Variants in PHEX observed in about 807,000 individuals in gnomAD.
PHEX encodes the protein phosphate-regulating neutral endopeptidase PHEX.
PHEX carries 16 observed loss-of-function variants against 68.0 expected under a neutral mutation model. The ratio of observed to expected loss-of-function variants is 0.24; its 90% CI spans 0.16 to 0.36. The LOEUF (loss-of-function observed/expected upper bound fraction) is 0.36. Ranked by LOEUF, PHEX falls within the 10% of genes least tolerant of loss-of-function variation. PHEX has a pLI of 1.00. For missense variants in PHEX, 480 were observed against 575.5 expected, an observed-to-expected ratio of 0.83 and a Z score of 1.70; for synonymous variants, 208 against 205.1, an observed-to-expected ratio of 1.01 and a Z score of -0.12.
intron 3 of PHEX, among the ~76,000 whole-genome samples, chrX:22,054,779 C>T (rs2069403494): frequency 9.0e-6 from 1 of 111,218 alleles, no homozygotes; most frequent in Non-Finnish European, 1.9e-5. Context: ...AATAATTTTA[C>T]TTGAAAAGTT....
At position 22,152,016 on chromosome X, in the gene PHEX, G is replaced by A. The variant is rs113512578; in HGVS notation, c.1405-16296G>A. Among the ~76,000 whole-genome samples the A allele has an allele frequency of 8.1e-3, 909 of 112,066 alleles. 4 individuals carry two copies. The highest frequency in any genetic ancestry group is 0.011 in the Non-Finnish European group (607 of 53,247). On this transcript the variant is annotated intron_variant, in intron 12 of 21. Coordinates refer to ENST00000379374, the MANE Select transcript of PHEX (RefSeq NM_000444.6). ...GGTTACTAATGCAGATGTGGTCTGT[G>A]CCTTACATGTTATTCAGTTTGATTT...
intron 11 of PHEX, among the ~76,000 whole-genome samples, chrX:22,129,762 C>A (rs971256265): frequency 3.2e-4 from 36 of 111,598 alleles, no homozygotes; most frequent in African/African-American, 1.1e-3. Flanking sequence ...CTCAGCTTTT[C>A]AACAACAACA....
chrX:22,093,294 C>T (rs1300536536), intron 6 of PHEX, among the ~76,000 whole-genome samples: 1 of 111,700 alleles, frequency 9.0e-6, no homozygotes, highest in Non-Finnish European at 1.9e-5. Context: ...TCTTTAATTC[C>T]CATTAAGTAA....
At chrX:22,130,988 C>T (rs192594631) in intron 11 of PHEX, among the ~76,000 whole-genome samples, 68 of 111,173 alleles carry the variant, frequency 6.1e-4, no homozygotes, top group Non-Finnish European at 8.3e-4. Context: ...ACTAGCATCC[C>T]GATGCCCACG....
chrX:22,147,228 A>G (rs890676420), intron 12 of PHEX, among the ~76,000 whole-genome samples: 7 of 112,218 alleles, frequency 6.2e-5, no homozygotes, highest in African/African-American at 2.3e-4. Flanking sequence ...GTTTGGTTTA[A>G]TAAAAATAAT....
At position 22,133,570 on chromosome X, in the gene PHEX, A is replaced by G. The variant is rs1932105890; in HGVS notation, c.1350A>G (p.Leu450=). 1 of 1,208,036 alleles carries G rather than the reference A, an allele frequency of 8.3e-7. No homozygotes were observed. Among genetic ancestry groups the G allele is most frequent in the African/African-American group, 1.8e-5 (1 of 56,988 alleles). ...EGVRWAFIDM[L]EKENEWMDAG... ...TTCGCTGGGCCTTTATTGACATGCTAGAGAAAGAAAATGAGTGGATGGATG... is the reference window on the plus strand; with the variant it reads ...TTCGCTGGGCCTTTATTGACATGCTGGAGAAAGAAAATGAGTGGATGGATG... Residue 450 remains leucine (L), a synonymous_variant, in exon 12 of 22, where the codon CTA becomes CTG. Coordinates refer to ENST00000379374, the MANE Select transcript of PHEX (RefSeq NM_000444.6).
At chrX:22,102,039 A>G (rs773519744) in intron 9 of PHEX, among the ~76,000 whole-genome samples, 4 of 111,834 alleles carry the variant, frequency 3.6e-5, no homozygotes, top group South Asian at 7.6e-4. Context: ...TGGGGTATCT[A>G]TCCCCTCAAG....
intron 14 of PHEX, among the ~76,000 whole-genome samples, chrX:22,178,590 C>T (rs1399474153): frequency 9.0e-6 from 1 of 111,456 alleles, no homozygotes; most frequent in Non-Finnish European, 1.9e-5. Flanking sequence ...TTTCTAGCAT[C>T]AACACATATC....
chrX:22,207,935 G>A (rs1026101579), intron 15 of PHEX, among the ~76,000 whole-genome samples: 1 of 110,603 alleles, frequency 9.0e-6, no homozygotes, highest in Middle Eastern at 4.7e-3. Context: ...TGTGCACAAT[G>A]TGCAGGTTTG....
intron 20 of PHEX, among the ~76,000 whole-genome samples, chrX:22,233,195 C>T (rs1354640660): frequency 8.9e-6 from 1 of 112,007 alleles, no homozygotes; most frequent in African/African-American, 3.3e-5. Flanking sequence ...GCCTGATGGG[C>T]ATCCCTTTGT....
chrX:22,234,950 G>A (rs1340895867), intron 20 of PHEX, among the ~76,000 whole-genome samples: 1 of 111,960 alleles, frequency 8.9e-6, no homozygotes, highest in African/African-American at 3.2e-5. Context: ...AGCCCTGGTG[G>A]GGTAGGCACT....
In PHEX at chrX:22,199,800, T is replaced by A. The variant is rs191306155; in HGVS notation, c.1645+9298T>A. Among the ~76,000 whole-genome samples the A allele has an allele frequency of 3.6e-5, 4 of 112,208 alleles. No homozygotes were observed. The East Asian group carries it at 1.1e-3, about 31-fold the overall frequency. On this transcript the variant is annotated intron_variant, in intron 15 of 21. Transcript: ENST00000379374. ...GGAAATTTAAAAAGAAATCATATAC[T>A]GAGGTTGCTAAGATCTACAGTAAGA...
intron 20 of PHEX, among the ~76,000 whole-genome samples, chrX:22,235,242 G>C (rs965223885): frequency 8.9e-6 from 1 of 111,890 alleles, no homozygotes; most frequent in Non-Finnish European, 1.9e-5. Context: ...TTTCTGCATT[G>C]ATTTGGCATT....
chrX:22,157,830 T>G (rs1204900706), intron 12 of PHEX, among the ~76,000 whole-genome samples: 1 of 111,895 alleles, frequency 8.9e-6, no homozygotes. Context: ...AATCTGATCT[T>G]TCCTGTCTTT....
chrX:22,237,288 GA>G (rs1315356951), intron 20 of PHEX, among the ~76,000 whole-genome samples: 1 of 111,996 alleles, frequency 8.9e-6, no homozygotes, highest in Non-Finnish European at 1.9e-5. Context: ...AGCTTCTGAG[GA>G]AATCAAGGGA....
At chrX:22,184,011 G>A (rs897794194) in intron 14 of PHEX, among the ~76,000 whole-genome samples, 2 of 111,555 alleles carry the variant, frequency 1.8e-5, no homozygotes, top group African/African-American at 6.5e-5. Context: ...GCAGGCTTAG[G>A]CAAACTGAGA....
Position 22,238,167 on chromosome X carries a change from C to G in PHEX, c.2071-7166C>G, listed in dbSNP as rs148730365. 2.8e-3 allele frequency among the ~76,000 whole-genome samples: 318 copies of G among 112,471 alleles called. 2 individuals carry two copies. The East Asian group carries it at 0.042, about 15-fold the overall frequency. On this transcript the variant is annotated intron_variant, in intron 20 of 21. Transcript: ENST00000379374. ...GCAAGATGGCTTAATAGGAACAGCT[C>G]TGGTCTGCAGCTCCCAGCAGGATTG...
At chrX:22,095,863 A>G (rs1930112212) in intron 7 of PHEX, among the ~76,000 whole-genome samples, 2 of 112,389 alleles carry the variant, frequency 1.8e-5, no homozygotes, top group African/African-American at 6.5e-5. Context: ...TGGGAAGACA[A>G]GACAGTCCAG....
chrX:22,209,790 T>TCC (rs1934851940), intron 15 of PHEX, among the ~76,000 whole-genome samples: 1 of 66,462 alleles, frequency 1.5e-5, no homozygotes, highest in Admixed American at 1.7e-4. Context: ...CCTCCCTCTC[T>TCC]CTCTCCCTCT....
Sources: gnomAD v4.1 joint callset for allele counts (sites outside exome capture counted in the v4.1 genomes callset) on GRCh38, gnomAD v4.1.1 for gene constraint, MANE v1.5 for transcripts, NCBI Gene and HGNC (gene_info 2026-07-23, HGNC 2026-07-21) for gene names.